The following NEMF variants were observed in gnomAD, a reference collection of about 807,000 sequenced individuals.
The protein encoded by NEMF is ribosome quality control complex subunit NEMF.
In NEMF, 89 loss-of-function variants were observed where a neutral mutation model predicts 162.2. The observed-to-expected ratio is 0.55, with a 90% CI of 0.46 to 0.65. NEMF has a LOEUF of 0.65. Among genes scored for constraint, NEMF ranks in the 30% least tolerant of loss-of-function variants. The pLI is 0.00. For missense variants in NEMF, 1,133 were observed against 1,261.9 expected (o/e 0.90, Z 1.55); for synonymous variants, 421 against 404.5 (o/e 1.04, Z -0.49).
intron 16 of NEMF, 54 bp from the exon 17 acceptor site, chr14:49,814,911 T>G (rs75002521): frequency 2.1e-5 from 21 of 979,334 alleles, no homozygotes; most frequent in Non-Finnish European, 2.6e-5. Context: ...CCTGAATTCA[T>G]ACCCTTTTTG....
chr14:49,851,340 G>A (rs1416421562), intron 3 of NEMF, among the ~76,000 whole-genome samples: 1 of 152,232 alleles, frequency 6.6e-6, no homozygotes, highest in Non-Finnish European at 1.5e-5. Context: ...AACTCTAATA[G>A]TGACTGTGGA....
At position 49,851,829 on chromosome 14, in the gene NEMF, T is replaced by C. The variant is rs994728463; in HGVS notation, c.106A>G (p.Thr36Ala). ...VNNVYDVDNKTYLIRLQKPDF... is the reference protein window; with the variant it reads ...VNNVYDVDNKAYLIRLQKPDF... ...TACTTTTGAAGACGAATAAGGTATG[T>C]CTTATTATCCACATCATAAACATTG... The change falls in exon 2 of 33, where the codon ACA becomes GCA. Residue 36 changes from threonine to alanine, a missense_variant. Around this residue, in one of 3 missense-constraint regions of NEMF, gnomAD observed 582 missense variants for 631.5 expected, o/e 0.92. Transcript: ENST00000298310. The C allele has an allele frequency of 3.2e-6, 5 of 1,580,002 alleles. No individual in the cohort carries two copies. The highest frequency in any genetic ancestry group is 4.3e-6 in the Non-Finnish European group (5 of 1,156,468).
At chr14:49,789,896 C>T (rs1890361008) in intron 26 of NEMF, among the ~76,000 whole-genome samples, 1 of 152,154 alleles carries the variant, frequency 6.6e-6, no homozygotes. Context: ...CAAGTCATCA[C>T]ATTTGGTTTG....
In NEMF at chr14:49,789,259, T is replaced by C. The variant is rs1890329703; in HGVS notation, c.2782A>G (p.Lys928Glu). 4 of 1,614,076 alleles carry C rather than the reference T, an allele frequency of 2.5e-6. No individual in the cohort carries two copies. The highest frequency in any genetic ancestry group is 3.4e-6 in the Non-Finnish European group (4 of 1,180,032). ...GAGACCCTCTGTCCACCTCTAGGTT[T>C]CTGGGGCTGTTTCTTCACAGGTTCG... ...KDEPVKKQPQ[K>E]PRGGQRVSDN... Residue 928 changes from lysine to glutamate, a missense_variant, in exon 28 of 33, where the codon AAA becomes GAA. Lys to Glu is a moderately conservative substitution (Grantham distance 56). Coordinates refer to ENST00000298310, the MANE Select transcript of NEMF (RefSeq NM_004713.6).
chr14:49,839,721 C>T (rs1893097407), intron 5 of NEMF: 1 of 152,166 alleles, frequency 6.6e-6, no homozygotes, highest in African/African-American at 2.4e-5. Flanking sequence ...CTAAAAAACA[C>T]ATTGGGCTTG....
intron 28 of NEMF, among the ~76,000 whole-genome samples, chr14:49,788,276 C>CAAAAAAAA (rs35896786): frequency 6.4e-5 from 5 of 78,554 alleles, no homozygotes; most frequent in South Asian, 5.0e-4. Flanking sequence ...AAGACTGCCT[C>CAAAAAAAA]AAAAAAAAAA....
intron 16 of NEMF, among the ~76,000 whole-genome samples, chr14:49,818,079 T>A (rs1204487757): frequency 6.7e-6 from 1 of 149,340 alleles, no homozygotes; most frequent in Non-Finnish European, 1.5e-5. Context: ...GGACAAGTGA[T>A]GAGACTTTTT....
Position 49,840,849 on chromosome 14 carries a change from T to C in NEMF, c.375A>G (p.Thr125=). Reference sequence around the variant, plus strand: ...TATTTAAAATTACGTACTCATAATCTGTAAGAACAATGTTCCCCTGCAATA... The same window carrying C: ...TATTTAAAATTACGTACTCATAATCCGTAAGAACAATGTTCCCCTGCAATA... The part of the protein sequence containing the change: ...ELYDRGNIVL[T]DYEYVILNIL... Residue 125 remains threonine (T), a synonymous_variant, in exon 5 of 33, where the codon ACA becomes ACG. Transcript: ENST00000298310. 6.2e-7 allele frequency: 1 copy of C among 1,605,350 alleles called. No homozygotes were observed. Among genetic ancestry groups the C allele is most frequent in the East Asian group, 2.2e-5 (1 of 44,880 alleles).
chr14:49,800,349 T>C (rs751980567), intron 23 of NEMF, 71 bp downstream of exon 23: 11 of 1,139,000 alleles, frequency 9.7e-6, no homozygotes, highest in African/African-American at 1.6e-5. Context: ...CTTGGTATTA[T>C]CTTTGTAAGG....
At chr14:49,806,434 G>T (rs1048381528) in intron 18 of NEMF, among the ~76,000 whole-genome samples, 8 of 149,348 alleles carry the variant, frequency 5.4e-5, no homozygotes, top group African/African-American at 2.0e-4. Flanking sequence ...CTAAATTTTT[G>T]TATCTTTAGT....
chr14:49,796,811 T>C (rs1016805842), intron 25 of NEMF, among the ~76,000 whole-genome samples: 1 of 152,202 alleles, frequency 6.6e-6, no homozygotes, highest in Admixed American at 6.5e-5. Flanking sequence ...ACACAAACTT[T>C]CTCTTCCTTC....
chr14:49,846,867 C>G (rs1024472228), intron 3 of NEMF, among the ~76,000 whole-genome samples: 2 of 152,160 alleles, frequency 1.3e-5, no homozygotes, highest in Non-Finnish European at 2.9e-5. Context: ...AATGACCTCA[C>G]TCATAAGCCA....
In NEMF at chr14:49,848,051, A is replaced by G. The variant is rs142033916; in HGVS notation, c.232-1786T>C. Among the ~76,000 whole-genome samples the G allele has an allele frequency of 9.8e-3, 1,470 of 150,628 alleles. 17 individuals carry two copies. The highest frequency in any genetic ancestry group is 0.013 in the Non-Finnish European group (846 of 67,498). The stretch of plus-strand genomic sequence containing the variant: ...TGTCTCAAAAAAAAAAAAAAAAAAG[A>G]AAGGGACAGAGTCTCTCTGTTGCCC... On this transcript the variant is annotated intron_variant, in intron 3 of 32. Coordinates refer to ENST00000298310, the MANE Select transcript of NEMF (RefSeq NM_004713.6).
intron 4 of NEMF, chr14:49,844,735 GCGCACACA>G (rs1893398767): frequency 6.3e-6 from 1 of 157,782 alleles, no homozygotes; most frequent in South Asian, 1.3e-4. Context: ...GCGCACGCGC[GCGCACACA>G]CACACACACA....
At position 49,832,977 on chromosome 14, in the gene NEMF, T is replaced by C. The variant is rs573393373; in HGVS notation, c.735+446A>G. ...AAACCAACAAAAACTTTTAAAACAC[T>C]ATCCTGGGCCGGGTGCAGTGGCCCA... is the stretch of plus-strand genomic sequence containing the variant. On this transcript the variant is annotated intron_variant, in intron 8 of 32. Transcript: ENST00000298310. 4.6e-5 allele frequency among the ~76,000 whole-genome samples: 7 copies of C among 152,192 alleles called. No homozygotes were observed. In the South Asian group the frequency reaches 1.5e-3, roughly 32 times the overall value.
At chr14:49,847,110 T>G (rs1893541580) in intron 3 of NEMF, among the ~76,000 whole-genome samples, 1 of 151,736 alleles carries the variant, frequency 6.6e-6, no homozygotes, top group Admixed American at 6.6e-5. Context: ...GGTCTCGAAG[T>G]TCTGACCTCG....
At chr14:49,820,130 T>G (rs538628475) in intron 16 of NEMF, 1 of 227,858 alleles carries the variant, frequency 4.4e-6, no homozygotes, top group East Asian at 1.5e-4. Context: ...TTTTGTATTT[T>G]TAGTAGAAAC....
chr14:49,808,578 A>T (rs1566668337), intron 18 of NEMF, among the ~76,000 whole-genome samples: 1 of 152,122 alleles, frequency 6.6e-6, no homozygotes, highest in Non-Finnish European at 1.5e-5. Flanking sequence ...CAAGATCATA[A>T]AAATTTATGC....
At chr14:49,843,310 G>A (rs1159005964) in intron 4 of NEMF, among the ~76,000 whole-genome samples, 4 of 151,842 alleles carry the variant, frequency 2.6e-5, no homozygotes, top group Non-Finnish European at 4.4e-5. Flanking sequence ...CCTGGGCAAC[G>A]AAGTGAGAGT....
Sources: gnomAD v4.1 joint callset for allele counts (sites outside exome capture counted in the v4.1 genomes callset) on GRCh38, gnomAD v4.1.1 for gene constraint, gnomAD v4.1.1 regional missense constraint, MANE v1.5 for transcripts, NCBI Gene and HGNC (gene_info 2026-07-23, HGNC 2026-07-21) for gene names.